The following ADK variants were observed in gnomAD, a reference collection of about 807,000 sequenced individuals.
ADK encodes the protein N6,N6-dimethyladenosine kinase.
ADK carries 24 observed loss-of-function variants against 44.7 expected under a neutral mutation model. That is an observed-to-expected ratio of 0.54 (90% CI 0.39 to 0.76). The LOEUF (loss-of-function observed/expected upper bound fraction) is 0.76, where lower values mean the gene tolerates loss of function less well. Among genes scored for constraint, ADK ranks in the 30% least tolerant of loss-of-function variants. The probability of loss-of-function intolerance (pLI) is 0.00; values close to 1 mark genes in which losing one functional copy is unlikely to be tolerated. For synonymous variants in ADK, 128 were observed against 142.6 expected (o/e 0.90, Z 0.73); for missense variants, 321 against 425.1 (o/e 0.76, Z 2.15).
chr10:74,700,766 G>C (rs1856393712), intron 10 of ADK, among the ~76,000 whole-genome samples: 1 of 152,180 alleles, frequency 6.6e-6, no homozygotes, highest in Admixed American at 6.5e-5. Context: ...ATGGTAAAGA[G>C]AGTCACTCTT....
At position 74,708,669 on chromosome 10, in the gene ADK, A is replaced by T; in HGVS notation, c.*224A>T. The T allele has an allele frequency of 2.3e-6, 1 of 436,602 alleles. No homozygotes were observed. The highest frequency in any genetic ancestry group is 2.3e-5 in the South Asian group (1 of 42,980). 27.0% of individuals were successfully genotyped at this position (436,602 alleles called of 1,614,324 possible). On this transcript the variant is annotated 3_prime_UTR_variant, in exon 11 of 11. Coordinates refer to ENST00000539909, the MANE Select transcript of ADK (RefSeq NM_006721.4). ...TTTCCATAGTTTGATAGTGCCACTT[A>T]AATGCCAATTAAACAAGAATATAAC... is the stretch of plus-strand genomic sequence containing the variant.
chr10:74,418,067 T>C (rs992402302), intron 6 of ADK, among the ~76,000 whole-genome samples: 1 of 152,196 alleles, frequency 6.6e-6, no homozygotes, highest in Non-Finnish European at 1.5e-5. Flanking sequence ...TTTAAAATTT[T>C]AGCAAACTAT....
At chr10:74,684,524 A>T (rs1479525531) in intron 10 of ADK, among the ~76,000 whole-genome samples, 1 of 152,188 alleles carries the variant, frequency 6.6e-6, no homozygotes, top group Non-Finnish European at 1.5e-5. Flanking sequence ...TAATCTCAGC[A>T]CTTTGGGAGG....
intron 1 of ADK, among the ~76,000 whole-genome samples, chr10:74,176,043 A>G (rs966201202): frequency 6.6e-5 from 10 of 152,144 alleles, no homozygotes; most frequent in African/African-American, 2.4e-4. Flanking sequence ...CAAATAGGAT[A>G]GCCTTGAGTG....
intron 4 of ADK, among the ~76,000 whole-genome samples, chr10:74,385,846 C>T (rs146028393): frequency 5.9e-5 from 9 of 152,030 alleles, no homozygotes; most frequent in Non-Finnish European, 1.3e-4. Flanking sequence ...TAATATTCCC[C>T]GAATCTGTTC....
chr10:74,291,241 CCT>C (rs1847418152), intron 3 of ADK, among the ~76,000 whole-genome samples: 1 of 152,004 alleles, frequency 6.6e-6, no homozygotes, highest in South Asian at 2.1e-4. Context: ...ACGGTGAAAC[CCT>C]GTCTCTAATA....
intron 3 of ADK, among the ~76,000 whole-genome samples, chr10:74,233,170 A>G (rs1844842016): frequency 6.6e-6 from 1 of 152,328 alleles, no homozygotes; most frequent in Middle Eastern, 3.4e-3. Flanking sequence ...CTATGATATT[A>G]AGAAATTTAT....
chr10:74,591,364 T>G (rs1293210173), intron 8 of ADK, among the ~76,000 whole-genome samples: 2 of 152,174 alleles, frequency 1.3e-5, no homozygotes, highest in Non-Finnish European at 2.9e-5. Context: ...GTCAGTGATA[T>G]TGACAGTGAT....
intron 6 of ADK, among the ~76,000 whole-genome samples, chr10:74,423,090 G>A (rs951484529): frequency 2.0e-4 from 30 of 152,202 alleles, no homozygotes; most frequent in East Asian, 1.9e-4. Flanking sequence ...CTCCAAACAC[G>A]CCGTCCTCAT....
chr10:74,548,750 G>A (rs1408207012), intron 7 of ADK, among the ~76,000 whole-genome samples: 1 of 152,190 alleles, frequency 6.6e-6, no homozygotes, highest in Non-Finnish European at 1.5e-5. Context: ...ATTCACTGCT[G>A]TATCCCCGAT....
At chr10:74,558,335 C>A (rs1033233589) in intron 7 of ADK, among the ~76,000 whole-genome samples, 1 of 152,176 alleles carries the variant, frequency 6.6e-6, no homozygotes, top group African/African-American at 2.4e-5. Context: ...GTAGCTAGGA[C>A]TACAGGCACA....
At chr10:74,700,677 C>T (rs1464565178) in intron 10 of ADK, among the ~76,000 whole-genome samples, 1 of 151,650 alleles carries the variant, frequency 6.6e-6, no homozygotes, top group Non-Finnish European at 1.5e-5. Context: ...CATACATCTG[C>T]TTACCTTTAC....
rs370889819 is a variant in ADK at position 74,203,293 on chromosome 10, TC to T, written c.140+2457del. On this transcript the variant is annotated intron_variant, in intron 2 of 10. Transcript: ENST00000539909. ...GGTAAATTTCTGGACTCCATTCTAT[TC>T]CATTGATACATATGTCTGTCCTTAT... 1.5e-3 allele frequency among the ~76,000 whole-genome samples: 235 copies of T among 152,274 alleles called. 1 individual carries two copies. Among genetic ancestry groups the T allele is most frequent in the African/African-American group, 5.4e-3 (223 of 41,566 alleles).
intron 9 of ADK, among the ~76,000 whole-genome samples, chr10:74,634,778 C>G (rs558226881): frequency 6.6e-6 from 1 of 152,028 alleles, no homozygotes; most frequent in African/African-American, 2.4e-5. Flanking sequence ...AACCCCGTCT[C>G]TACTAAAAAT....
intron 3 of ADK, among the ~76,000 whole-genome samples, chr10:74,277,691 GCCCAGCTA>G (rs1846755132): frequency 6.6e-6 from 1 of 152,052 alleles, no homozygotes; most frequent in Non-Finnish European, 1.5e-5. Context: ...GAGCCACCGC[GCCCAGCTA>G]AATTTCTTTT....
intron 3 of ADK, among the ~76,000 whole-genome samples, chr10:74,298,578 C>A (rs1232502525): frequency 1.3e-5 from 2 of 152,018 alleles, no homozygotes; most frequent in Non-Finnish European, 1.5e-5. Flanking sequence ...CATAGTGAGA[C>A]CCTATCTTTT....
At chr10:74,252,184 G>A (rs1329353911) in intron 3 of ADK, among the ~76,000 whole-genome samples, 1 of 151,952 alleles carries the variant, frequency 6.6e-6, no homozygotes, top group Non-Finnish European at 1.5e-5. Context: ...AATTATTTGG[G>A]GCCTAGGTCA....
At chr10:74,436,378 G>A (rs1845179236) in intron 6 of ADK, among the ~76,000 whole-genome samples, 1 of 151,950 alleles carries the variant, frequency 6.6e-6, no homozygotes. Flanking sequence ...CTACGCTCCA[G>A]CCTGGAAATC....
At chr10:74,184,501 T>TTGTGTGTGTGTGTGTGTG (rs67693938) in intron 1 of ADK, among the ~76,000 whole-genome samples, 1 of 138,418 alleles carries the variant, frequency 7.2e-6, no homozygotes, top group South Asian at 2.4e-4. Context: ...TGGCTATATT[T>TTGTGTGTGTGTGTGTGTG]TGTGTGTGTG....
Sources: allele counts gnomAD v4.1 joint callset (sites outside exome capture counted in the v4.1 genomes callset), GRCh38; gene constraint gnomAD v4.1.1; transcripts MANE v1.5; gene names NCBI Gene and HGNC (gene_info 2026-07-23, HGNC 2026-07-21).